Variants in RELB observed in about 807,000 individuals in gnomAD.
The protein encoded by RELB is transcription factor RelB.
In RELB, 14 loss-of-function variants were observed where a neutral mutation model predicts 55.4. That is an observed-to-expected ratio of 0.25 (90% CI 0.17 to 0.40). The LOEUF (loss-of-function observed/expected upper bound fraction) is 0.40, where lower values mean the gene tolerates loss of function less well. Among genes scored for constraint, RELB ranks in the 10% least tolerant of loss-of-function variants. The pLI, the probability that RELB is intolerant of heterozygous loss-of-function variation, is 1.00. For missense variants in RELB, 669 were observed against 830.7 expected (o/e 0.81, Z 2.39); for synonymous variants, 409 against 371.3 (o/e 1.10, Z -1.17).
intron 3 of RELB, among the ~76,000 whole-genome samples, chr19:45,010,717 G>A (rs1475304798): frequency 3.3e-5 from 5 of 151,976 alleles, no homozygotes; most frequent in Admixed American, 6.6e-5. Context: ...TCGCTCTGTC[G>A]CCCAGGCTGG....
rs777676760 is a variant in RELB at position 45,002,977 on chromosome 19, C to G, written c.135C>G (p.Leu45=). Residue 45 remains leucine, a synonymous_variant, in exon 2 of 12, where the codon CTC becomes CTG. Coordinates refer to ENST00000221452, the MANE Select transcript of RELB (RefSeq NM_006509.4). ...LGSPDLSSLS[L]AVSRSTDELE... is the part of the protein sequence containing the mutation. Reference sequence around the variant, plus strand: ...CCCCCGACCTCTCCTCACTCTCGCTCGCCGTTTCCAGGAGCACAGGTGAGC... The same window carrying G: ...CCCCCGACCTCTCCTCACTCTCGCTGGCCGTTTCCAGGAGCACAGGTGAGC... 436 of 1,613,352 alleles carry G rather than the reference C, an allele frequency of 2.7e-4. No individual in the cohort carries two copies. The highest frequency in any genetic ancestry group is 3.6e-4 in the Non-Finnish European group (426 of 1,179,770).
intron 5 of RELB, 63 bp from the exon 6 acceptor site, chr19:45,025,266 G>A (rs1971543624): frequency 3.4e-6 from 4 of 1,161,026 alleles, no homozygotes; most frequent in South Asian, 1.3e-5. Context: ...GAGCCCTCCT[G>A]CAGGTTAGGG....
chr19:45,025,970 G>A (rs1051176342), intron 7 of RELB, among the ~76,000 whole-genome samples: 69 of 152,192 alleles, frequency 4.5e-4, no homozygotes, highest in Admixed American at 1.6e-3. Flanking sequence ...GGCCAGGCAC[G>A]GTGGCTCATG....
intron 2 of RELB, 104 bp from the exon 3 acceptor site, chr19:45,009,710 G>T: frequency 7.5e-7 from 1 of 1,340,506 alleles, no homozygotes; most frequent in South Asian, 1.2e-5. Context: ...GAAGACGGAA[G>T]GGTCACAGGA....
chr19:45,034,395 G>C, intron 10 of RELB, 56 bp from the exon 11 acceptor site: 1 of 1,609,934 alleles, frequency 6.2e-7, no homozygotes, highest in African/African-American at 1.3e-5. Flanking sequence ...TCCCACCCCA[G>C]GCTGGGGAGG....
At chr19:45,018,750 C>T (rs985532814) in intron 4 of RELB, among the ~76,000 whole-genome samples, 3 of 150,662 alleles carry the variant, frequency 2.0e-5, no homozygotes, top group African/African-American at 4.9e-5. Flanking sequence ...GATCTCGGCT[C>T]ACTGCAACTT....
At chr19:45,021,913 C>T (rs576679304) in intron 4 of RELB, 140 bp from the exon 5 acceptor site, 28 of 807,202 alleles carry the variant, frequency 3.5e-5, no homozygotes, top group Admixed American at 2.3e-4. Context: ...TCATCCTGGT[C>T]GCGGGAGAAG....
chr19:45,032,472 C>G, intron 8 of RELB, 62 bp from the exon 9 acceptor site: 1 of 1,385,174 alleles, frequency 7.2e-7, no homozygotes, highest in South Asian at 1.2e-5. Context: ...GGAGGCTGGG[C>G]AAGTTGGGAG....
chr19:45,014,505 CAG>C (rs1971398995), intron 4 of RELB, among the ~76,000 whole-genome samples: 2 of 137,228 alleles, frequency 1.5e-5, no homozygotes. Flanking sequence ...TATTCTGGCT[CAG>C]AGTTTTTTTT....
At chr19:45,008,171 A>C (rs1332885027) in intron 2 of RELB, among the ~76,000 whole-genome samples, 1 of 151,812 alleles carries the variant, frequency 6.6e-6, no homozygotes, top group Non-Finnish European at 1.5e-5. Context: ...CTCCGTCTCA[A>C]AAAAATAAAA....
At chr19:45,024,035 G>A (rs1048817050) in intron 5 of RELB, among the ~76,000 whole-genome samples, 1 of 129,188 alleles carries the variant, frequency 7.7e-6, no homozygotes, top group Non-Finnish European at 1.6e-5. Flanking sequence ...TAGAGACGGG[G>A]TTTCACCACG....
intron 7 of RELB, among the ~76,000 whole-genome samples, chr19:45,026,217 G>A (rs1971556688): frequency 1.3e-5 from 2 of 152,034 alleles, no homozygotes; most frequent in Non-Finnish European, 2.9e-5. Context: ...GCTCCAGCCT[G>A]TGCAACAGAG....
At chr19:45,029,554 A>T (rs1186239926) in intron 8 of RELB, among the ~76,000 whole-genome samples, 1 of 151,784 alleles carries the variant, frequency 6.6e-6, no homozygotes, top group Non-Finnish European at 1.5e-5. Context: ...ATCTACTAAA[A>T]ATACAAAAAT....
intron 4 of RELB, among the ~76,000 whole-genome samples, chr19:45,017,464 C>A (rs116832264): frequency 0.041 from 2,289 of 55,638 alleles, 43 homozygotes; most frequent in African/African-American, 0.13. Context: ...AAAAAAAAAA[C>A]AATTCTGGAA....
chr19:45,029,843 CT>C (rs1327237883), intron 8 of RELB, among the ~76,000 whole-genome samples: 1 of 151,744 alleles, frequency 6.6e-6, no homozygotes, highest in Non-Finnish European at 1.5e-5. Flanking sequence ...GAGCAAAGCT[CT>C]GTCTCAAAAA....
At chr19:45,001,914 G>A (rs1003131386) in intron 1 of RELB, among the ~76,000 whole-genome samples, 1 of 152,126 alleles carries the variant, frequency 6.6e-6, no homozygotes, top group Non-Finnish European at 1.5e-5. Flanking sequence ...GAGAGGGGGC[G>A]GGGCCTGACC....
chr19:45,028,630 G>T (rs549253290), intron 7 of RELB, among the ~76,000 whole-genome samples: 48 of 152,194 alleles, frequency 3.2e-4, no homozygotes, highest in African/African-American at 1.1e-3. Context: ...CACCATGCCC[G>T]GCAAAAGATC....
chr19:45,003,697 G>T, intron 2 of RELB: 1 of 494,036 alleles, frequency 2.0e-6, no homozygotes, highest in Admixed American at 2.2e-5. Context: ...CTGTAAGATG[G>T]ACAGAATAAC....
intron 7 of RELB, 101 bp downstream of exon 7, chr19:45,025,838 C>A: frequency 1.4e-6 from 2 of 1,446,830 alleles, no homozygotes; most frequent in Non-Finnish European, 1.9e-6. Flanking sequence ...GTGGCTCACG[C>A]CTGTAATCCC....
Sources: gnomAD v4.1 joint callset for allele counts (sites outside exome capture counted in the v4.1 genomes callset) on GRCh38, gnomAD v4.1.1 for gene constraint, MANE v1.5 for transcripts, NCBI Gene and HGNC (gene_info 2026-07-23, HGNC 2026-07-21) for gene names.